PABIR2: variants seen among roughly 807,000 people sequenced by gnomAD.
PABIR2 encodes the protein PABIR family member 2.
A neutral mutation model predicts 22.8 loss-of-function variants in PABIR2; 7 were observed. The ratio of observed to expected loss-of-function variants is 0.31; its 90% CI spans 0.17 to 0.58. The LOEUF is 0.58. Among genes scored for constraint, PABIR2 ranks in the 20% least tolerant of loss-of-function variants. The probability of loss-of-function intolerance (pLI) is 0.89; values close to 1 mark genes in which losing one functional copy is unlikely to be tolerated. For synonymous variants in PABIR2, 67 were observed against 73.8 expected, an observed-to-expected ratio of 0.91 and a Z score of 0.47; for missense variants, 155 against 205.1, an observed-to-expected ratio of 0.76 and a Z score of 1.49.
At chrX:134,777,448 C>A (rs1218840312) in intron 9 of PABIR2, among the ~76,000 whole-genome samples, 1 of 106,762 alleles carries the variant, frequency 9.4e-6, no homozygotes, top group African/African-American at 3.4e-5. Context: ...ATGGCTTGAG[C>A]CCGGGAAGCA....
chrX:134,780,579 A>C (rs1345204899), intron 9 of PABIR2, among the ~76,000 whole-genome samples: 1 of 112,420 alleles, frequency 8.9e-6, no homozygotes, highest in Non-Finnish European at 1.9e-5. Flanking sequence ...CCTATCTCAA[A>C]AAAACAAAAC....
chrX:134,785,315 G>A (rs973345930), intron 8 of PABIR2, among the ~76,000 whole-genome samples: 5 of 111,539 alleles, frequency 4.5e-5, no homozygotes, highest in Non-Finnish European at 9.4e-5. Context: ...GACCAGAAGC[G>A]TGATGCTTAT....
intron 2 of PABIR2, among the ~76,000 whole-genome samples, chrX:134,793,098 A>G (rs2079598773): frequency 1.8e-5 from 2 of 112,107 alleles, no homozygotes; most frequent in Admixed American, 1.9e-4. Context: ...AGCTTATTAT[A>G]ATTGTGCATA....
intron 1 of PABIR2, among the ~76,000 whole-genome samples, chrX:134,794,640 CT>C (rs997209486): frequency 3.6e-5 from 4 of 112,128 alleles, no homozygotes; most frequent in African/African-American, 1.3e-4. Context: ...GTGGATGTGT[CT>C]TAAACCCATT....
At chrX:134,788,852 C>T in intron 5 of PABIR2, 21 bp from the exon 6 acceptor site, 3 of 1,166,207 alleles carry the variant, frequency 2.6e-6, no homozygotes, top group Non-Finnish European at 3.5e-6. Context: ...AAAGTGTCAT[C>T]TCCTCATAAT....
In PABIR2 at chrX:134,787,185, C is replaced by T. The variant is rs775097151; in HGVS notation, c.497+287G>A. Among the ~76,000 whole-genome samples the T allele has an allele frequency of 8.5e-5, 9 of 106,499 alleles. No individual in the cohort carries two copies. The East Asian group carries it at 1.5e-3, about 18-fold the overall frequency. 92.5% of individuals were successfully genotyped at this position (106,499 alleles called of 115,157 possible). A position where few individuals can be genotyped will look rare whatever the true frequency, so the allele number is the denominator to read the frequency against. ...TGCGATCTCAGCTCACTGCAACCTC[C>T]GCCTGCTTGGTTCAAGCGATTCTCC... On this transcript the variant is annotated intron_variant, in intron 7 of 9. Coordinates refer to ENST00000343004, the MANE Select transcript of PABIR2 (RefSeq NM_001387468.1).
intron 9 of PABIR2, among the ~76,000 whole-genome samples, chrX:134,777,442 C>T (rs1254739876): frequency 1.9e-5 from 2 of 105,103 alleles, no homozygotes; most frequent in African/African-American, 7.0e-5. Context: ...GGGTGGATGG[C>T]TTGAGCCCGG....
rs2078812438 is a variant in PABIR2, at chrX:134,769,860, A to C, written c.*2279T>G. ...TATATAAAAATAAAGGGGTCTTAACAAAGTTCATCTGTGAGTTAGCATATC... is the reference window on the plus strand; with the variant it reads ...TATATAAAAATAAAGGGGTCTTAACCAAGTTCATCTGTGAGTTAGCATATC... On this transcript the variant is annotated 3_prime_UTR_variant, in exon 10 of 10. Transcript: ENST00000343004. The C allele has an allele frequency of 8.9e-6, 1 of 112,251 alleles. No individual in the cohort carries two copies. Among genetic ancestry groups the C allele is most frequent in the African/African-American group, 3.2e-5 (1 of 30,859 alleles). The allele number at this position is 112,251 out of a possible 1,213,427, so 9.3% of individuals were successfully genotyped here. A position where few individuals can be genotyped will look rare whatever the true frequency, so the allele number is the denominator to read the frequency against.
chrX:134,793,038 C>A (rs2079596887), intron 2 of PABIR2, among the ~76,000 whole-genome samples: 2 of 111,913 alleles, frequency 1.8e-5, no homozygotes, highest in Non-Finnish European at 3.8e-5. Context: ...TACTTTTAAC[C>A]AAAATGCATC....
chrX:134,796,006 A>G, intron 1 of PABIR2, 102 bp downstream of exon 1: 1 of 765,186 alleles, frequency 1.3e-6, no homozygotes, highest in Non-Finnish European at 1.9e-6. Context: ...CAGGTTGAAG[A>G]GCCCAAATGA....
At chrX:134,777,311 G>C in intron 9 of PABIR2, among the ~76,000 whole-genome samples, 1 of 111,851 alleles carries the variant, frequency 8.9e-6, no homozygotes. Flanking sequence ...CAGATCACTT[G>C]AGCGCAGGAG....
At chrX:134,785,397 A>G (rs1197385851) in intron 8 of PABIR2, among the ~76,000 whole-genome samples, 1 of 111,125 alleles carries the variant, frequency 9.0e-6, no homozygotes, top group East Asian at 2.8e-4. Flanking sequence ...AAGGTATACA[A>G]TGTGATGATC....
chrX:134,781,465 A>G (rs1270239324), intron 9 of PABIR2, among the ~76,000 whole-genome samples: 6 of 111,992 alleles, frequency 5.4e-5, no homozygotes, highest in South Asian at 3.7e-4. Flanking sequence ...TCACTGTAAT[A>G]ATTTTTAAAA....
At chrX:134,793,922 A>C (rs1294942460) in intron 1 of PABIR2, 29 bp from the exon 2 acceptor site, 12 of 1,192,174 alleles carry the variant, frequency 1.0e-5, no homozygotes, top group Non-Finnish European at 1.3e-5. Flanking sequence ...AACAAACAAA[A>C]AAAACAAAAT....
intron 8 of PABIR2, among the ~76,000 whole-genome samples, chrX:134,784,387 C>T (rs902407705): frequency 9.1e-5 from 10 of 110,454 alleles, no homozygotes; most frequent in Admixed American, 1.9e-4. Flanking sequence ...ATCGCTGAGC[C>T]CAGGAGGTGG....
intron 8 of PABIR2, among the ~76,000 whole-genome samples, chrX:134,783,598 A>G (rs747557081): frequency 1.8e-5 from 2 of 111,187 alleles, no homozygotes; most frequent in South Asian, 7.5e-4. Flanking sequence ...GGTGGTGTGC[A>G]CCTGTAATCC....
chrX:134,789,652 A>G lies in PABIR2; in HGVS notation c.178-16T>C. 1 of 1,142,295 alleles carries G rather than the reference A, an allele frequency of 8.8e-7. No homozygotes were observed. The highest frequency in any genetic ancestry group is 2.6e-5 in the Admixed American group (1 of 38,329). 94.1% of individuals were successfully genotyped at this position (1,142,295 alleles called of 1,213,427 possible). ...ATGACAGCAACTGGAAAGAAAAAGT[A>G]AACATTTACTATTTTCTGAATCACA... On this transcript the variant is annotated splice_polypyrimidine_tract_variant and intron_variant, in intron 2 of 9. Coordinates refer to ENST00000343004, the MANE Select transcript of PABIR2 (RefSeq NM_001387468.1).
At chrX:134,790,668 T>C (rs776895379) in intron 2 of PABIR2, among the ~76,000 whole-genome samples, 1 of 112,180 alleles carries the variant, frequency 8.9e-6, no homozygotes, top group Non-Finnish European at 1.9e-5. Context: ...GCCTCCTGAG[T>C]AGCTGGGACT....
At chrX:134,788,709 A>G (rs746507504) in intron 6 of PABIR2, 21 bp downstream of exon 6, 2 of 1,173,819 alleles carry the variant, frequency 1.7e-6, no homozygotes, top group African/African-American at 3.6e-5. Context: ...AATACACTTA[A>G]TATCTTGTCA....
Sources: allele counts gnomAD v4.1 joint callset (sites outside exome capture counted in the v4.1 genomes callset), GRCh38; gene constraint gnomAD v4.1.1; transcripts MANE v1.5; gene names NCBI Gene and HGNC (gene_info 2026-07-23, HGNC 2026-07-21).